Variants in ATP2B2 observed in about 807,000 individuals in gnomAD.
The protein encoded by ATP2B2 is plasma membrane calcium-transporting ATPase 2.
Under a neutral mutation model 120.0 loss-of-function variants are expected in ATP2B2, and 15 were observed. The observed-to-expected ratio is 0.12, with a 90% CI of 0.08 to 0.19. ATP2B2 has a LOEUF of 0.19. ATP2B2 is among the 10% of genes least tolerant of loss of function. The probability of loss-of-function intolerance (pLI) is 1.00; values close to 1 mark genes in which losing one functional copy is unlikely to be tolerated. For synonymous variants in ATP2B2, 694 were observed against 700.3 expected (o/e 0.99, Z 0.14); for missense variants, 1,045 against 1,719.8 (o/e 0.61, Z 6.94).
chr3:10,663,294 T>C (rs762259618), intron 1 of ATP2B2, among the ~76,000 whole-genome samples: 4 of 152,116 alleles, frequency 2.6e-5, no homozygotes, highest in Non-Finnish European at 5.9e-5. Flanking sequence ...TTCCCTCATC[T>C]GGAAATGGGA....
intron 2 of ATP2B2, among the ~76,000 whole-genome samples, chr3:10,436,370 T>C (rs2063480553): frequency 6.6e-6 from 1 of 152,236 alleles, no homozygotes; most frequent in South Asian, 2.1e-4. Context: ...GGTGTGCGGC[T>C]GCGCCTCTCG....
intron 3 of ATP2B2, among the ~76,000 whole-genome samples, chr3:10,519,125 C>G (rs971917502): frequency 6.6e-6 from 1 of 152,214 alleles, no homozygotes; most frequent in African/African-American, 2.4e-5. Flanking sequence ...AACTGAGGAA[C>G]AGAAAAGTTA....
At position 10,699,464 on chromosome 3, in the gene ATP2B2, C is replaced by A. The variant is rs143279138; in HGVS notation, c.-460+8451G>T. On this transcript the variant is annotated intron_variant, in intron 1 of 21. Coordinates refer to the ATP2B2 transcript ENST00000646379. ...AAAAACAGAATATCTATTTATCTAT[C>A]AATCATAGAGAAATGTCTGGAAGGA... Among the ~76,000 whole-genome samples, 1,007 of 152,302 alleles carry A rather than the reference C, an allele frequency of 6.6e-3. 10 individuals are homozygous for A. Among genetic ancestry groups the A allele is most frequent in the African/African-American group, 0.023 (969 of 41,556 alleles).
chr3:10,463,462 C>T (rs184360311), intron 1 of ATP2B2, among the ~76,000 whole-genome samples: 122 of 152,362 alleles, frequency 8.0e-4, no homozygotes, highest in African/African-American at 2.9e-3. Context: ...GGACACGTGC[C>T]ACACTTTATA....
At chr3:10,452,526 T>G (rs1202053983) in intron 1 of ATP2B2, among the ~76,000 whole-genome samples, 2 of 152,170 alleles carry the variant, frequency 1.3e-5, no homozygotes, top group Non-Finnish European at 2.9e-5. Context: ...GTTTGGTGTA[T>G]GTTCAGGAAG....
chr3:10,494,327 C>T (rs1455573971), intron 1 of ATP2B2, among the ~76,000 whole-genome samples: 1 of 152,140 alleles, frequency 6.6e-6, no homozygotes, highest in Non-Finnish European at 1.5e-5. Flanking sequence ...CTCATTTAAT[C>T]TGCACTAGAA....
At chr3:10,439,665 T>C (rs1052920697) in intron 2 of ATP2B2, among the ~76,000 whole-genome samples, 8 of 151,910 alleles carry the variant, frequency 5.3e-5, no homozygotes, top group African/African-American at 1.9e-4. Flanking sequence ...AGGTTTTCAA[T>C]TTTTTTTTCT....
chr3:10,607,953 C>T (rs192640038), intron 2 of ATP2B2, among the ~76,000 whole-genome samples: 130 of 152,324 alleles, frequency 8.5e-4, no homozygotes, highest in African/African-American at 3.0e-3. Context: ...CTCTCTTCCA[C>T]CTGCTCCTTC....
At chr3:10,589,188 C>T (rs2068584654) in intron 2 of ATP2B2, among the ~76,000 whole-genome samples, 1 of 152,156 alleles carries the variant, frequency 6.6e-6, no homozygotes, top group Non-Finnish European at 1.5e-5. Flanking sequence ...GAACTCCAGC[C>T]ACTCCCATTT....
At chr3:10,656,654 C>A (rs1222403025) in intron 1 of ATP2B2, among the ~76,000 whole-genome samples, 1 of 152,204 alleles carries the variant, frequency 6.6e-6, no homozygotes, top group African/African-American at 2.4e-5. Context: ...AGGTCCCTGA[C>A]CTCACACAGC....
chr3:10,486,365 G>A (rs2065669969), intron 1 of ATP2B2, among the ~76,000 whole-genome samples: 1 of 151,064 alleles, frequency 6.6e-6, no homozygotes, highest in African/African-American at 2.4e-5. Context: ...GTGTGTCTCA[G>A]CCCTGCATAA....
chr3:10,560,328 C>A (rs141085668), intron 2 of ATP2B2, among the ~76,000 whole-genome samples: 127 of 152,278 alleles, frequency 8.3e-4, no homozygotes, highest in Non-Finnish European at 1.5e-3. Flanking sequence ...CCTCCCAGGA[C>A]GGATGGAGCT....
At chr3:10,612,656 G>A (rs2069273530) in intron 2 of ATP2B2, among the ~76,000 whole-genome samples, 1 of 152,204 alleles carries the variant, frequency 6.6e-6, no homozygotes, top group African/African-American at 2.4e-5. Context: ...GAGCTGCAGA[G>A]TCATAACTCC....
intron 3 of ATP2B2, among the ~76,000 whole-genome samples, chr3:10,518,593 G>C (rs1442405932): frequency 1.3e-5 from 2 of 152,214 alleles, no homozygotes; most frequent in African/African-American, 4.8e-5. Context: ...GCCCACTCCT[G>C]ATCCGCTTTC....
At chr3:10,654,922 T>A (rs2070573985) in intron 1 of ATP2B2, among the ~76,000 whole-genome samples, 1 of 152,154 alleles carries the variant, frequency 6.6e-6, no homozygotes, top group Non-Finnish European at 1.5e-5. Flanking sequence ...TCGCAGTGAC[T>A]GGTGTGTGGC....
At chr3:10,659,361 A>G (rs1304521860) in intron 1 of ATP2B2, among the ~76,000 whole-genome samples, 1 of 152,236 alleles carries the variant, frequency 6.6e-6, no homozygotes, top group Non-Finnish European at 1.5e-5. Flanking sequence ...TCTCATGTGC[A>G]GAGACACACA....
intron 8 of ATP2B2, among the ~76,000 whole-genome samples, chr3:10,384,442 G>C (rs963312294): frequency 6.6e-6 from 1 of 152,176 alleles, no homozygotes; most frequent in African/African-American, 2.4e-5. Context: ...TGGGGATAGG[G>C]GTGGTATCTG....
At chr3:10,378,518 G>T in intron 9 of ATP2B2, 108 bp from the exon 10 acceptor site, 2 of 1,453,454 alleles carry the variant, frequency 1.4e-6, no homozygotes, top group Non-Finnish European at 9.4e-7. Context: ...GCCCAGGGTA[G>T]GTGCTGACTG....
intron 3 of ATP2B2, among the ~76,000 whole-genome samples, chr3:10,520,918 C>T (rs1310508197): frequency 6.6e-6 from 1 of 152,178 alleles, no homozygotes; most frequent in Non-Finnish European, 1.5e-5. Flanking sequence ...TGCAGATAAA[C>T]TCTCCAAGCC....
Sources: allele counts gnomAD v4.1 joint callset (sites outside exome capture counted in the v4.1 genomes callset), GRCh38; gene constraint gnomAD v4.1.1; transcripts MANE v1.5; gene names NCBI Gene and HGNC (gene_info 2026-07-23, HGNC 2026-07-21).